The following PLCB4 variants were observed in gnomAD, a reference collection of about 807,000 sequenced individuals.
PLCB4 encodes the protein 1-phosphatidylinositol 4,5-bisphosphate phosphodiesterase beta-4.
A neutral mutation model predicts 178.8 loss-of-function variants in PLCB4; 77 were observed. The ratio of observed to expected loss-of-function variants is 0.43; its 90% CI spans 0.36 to 0.52. The LOEUF (loss-of-function observed/expected upper bound fraction) is 0.52. Ranked by LOEUF, PLCB4 falls within the 20% of genes least tolerant of loss-of-function variation. The pLI, the probability that PLCB4 is intolerant of heterozygous loss-of-function variation, is 0.00. For synonymous variants in PLCB4, 496 were observed against 490.8 expected, an observed-to-expected ratio of 1.01 and a Z score of -0.14; for missense variants, 1,024 against 1,453.4, an observed-to-expected ratio of 0.70 and a Z score of 4.80.
At chr20:9,182,874 T>C in intron 2 of PLCB4, among the ~76,000 whole-genome samples, 1 of 152,172 alleles carries the variant, frequency 6.6e-6, no homozygotes, top group East Asian at 1.9e-4. Flanking sequence ...AGAAAAGTAA[T>C]AAATACCTAT....
At chr20:9,339,429 A>T (rs2032915918) in intron 7 of PLCB4, among the ~76,000 whole-genome samples, 1 of 152,198 alleles carries the variant, frequency 6.6e-6, no homozygotes, top group African/African-American at 2.4e-5. Flanking sequence ...AGTTTGAGTG[A>T]CAAAGGTCTA....
intron 2 of PLCB4, among the ~76,000 whole-genome samples, chr20:9,216,962 AAAAG>A (rs1322156309): frequency 4.6e-5 from 7 of 152,236 alleles, no homozygotes; most frequent in African/African-American, 1.7e-4. Context: ...CAGCCATAAA[AAAAG>A]ACTCTCTTTG....
Position 9,314,136 on chromosome 20 carries a change from C to T in PLCB4, c.84+6238C>T, listed in dbSNP as rs2094870726. 2.6e-5 allele frequency among the ~76,000 whole-genome samples: 4 copies of T among 152,120 alleles called. No homozygotes were observed. In the South Asian group the frequency reaches 8.3e-4, roughly 31 times the overall value. ...TATTCAGCTAGGGCAGAGGGTAGGGCAGTGGAGTACAGGGGTGAAGGCACA... is the reference window on the plus strand; with the variant it reads ...TATTCAGCTAGGGCAGAGGGTAGGGTAGTGGAGTACAGGGGTGAAGGCACA... On this transcript the variant is annotated intron_variant, in intron 4 of 39. Coordinates refer to ENST00000378473, the MANE Select transcript of PLCB4 (RefSeq NM_001377142.1).
chr20:9,334,418 G>C (rs2032149951), intron 4 of PLCB4, among the ~76,000 whole-genome samples: 1 of 152,152 alleles, frequency 6.6e-6, no homozygotes, highest in Non-Finnish European at 1.5e-5. Flanking sequence ...GAGGATCAGG[G>C]ACATGGGGTA....
chr20:9,144,708 A>T (rs1486015966), intron 2 of PLCB4, among the ~76,000 whole-genome samples: 2 of 62,468 alleles, frequency 3.2e-5, no homozygotes, highest in South Asian at 2.4e-3. Context: ...AAGGAGGGGA[A>T]GAAGGGGAAG....
chr20:9,107,800 C>T (rs959621611), intron 2 of PLCB4, among the ~76,000 whole-genome samples: 3 of 152,090 alleles, frequency 2.0e-5, no homozygotes, highest in Non-Finnish European at 4.4e-5. Flanking sequence ...GTTCAGAGTA[C>T]ACTGTGAGGG....
intron 3 of PLCB4, among the ~76,000 whole-genome samples, chr20:9,292,439 G>A (rs2094588203): frequency 1.3e-5 from 2 of 152,070 alleles, no homozygotes; most frequent in South Asian, 4.2e-4. Flanking sequence ...AGTCTCTAGG[G>A]ATAAGAACAT....
intron 2 of PLCB4, among the ~76,000 whole-genome samples, chr20:9,110,030 G>T (rs1024744390): frequency 6.6e-6 from 1 of 152,078 alleles, no homozygotes; most frequent in Non-Finnish European, 1.5e-5. Context: ...CACAGAGAAG[G>T]TTAGTAGAGT....
chr20:9,189,807 G>A (rs1230274483), intron 2 of PLCB4, among the ~76,000 whole-genome samples: 1 of 152,058 alleles, frequency 6.6e-6, no homozygotes, highest in African/African-American at 2.4e-5. Flanking sequence ...TGGCTAGTTT[G>A]CGCTAGCCCC....
chr20:9,462,611 G>A (rs770205142), intron 35 of PLCB4, among the ~76,000 whole-genome samples: 4 of 152,156 alleles, frequency 2.6e-5, no homozygotes, highest in East Asian at 3.8e-4. Flanking sequence ...CGAGAGCTTC[G>A]TGACACATGC....
chr20:9,399,747 C>A (rs1433951213), intron 19 of PLCB4, among the ~76,000 whole-genome samples: 1 of 152,146 alleles, frequency 6.6e-6, no homozygotes, highest in African/African-American at 2.4e-5. Flanking sequence ...TGGGGTATGC[C>A]CCTTGCCTTC....
intron 36 of PLCB4, among the ~76,000 whole-genome samples, chr20:9,470,820 A>T (rs2276485): frequency 0.5 from 76,599 of 152,082 alleles, 21,717 homozygotes; most frequent in African/African-American, 0.77. Flanking sequence ...GGCTAAGTAT[A>T]GTCACCCTAC....
rs1160488237 is a variant in PLCB4 at position 9,420,408 on chromosome 20, G to C, written c.2154+499G>C. On this transcript the variant is annotated intron_variant, in intron 26 of 39. Transcript: ENST00000378473. ...GCAGGAGTGCAGTGGCACAATCTCGGCTCACTGCAACCTCCTCCTCCCGGT... is the reference window on the plus strand; with the variant it reads ...GCAGGAGTGCAGTGGCACAATCTCGCCTCACTGCAACCTCCTCCTCCCGGT... Among the ~76,000 whole-genome samples, 4 of 152,072 alleles carry C rather than the reference G, an allele frequency of 2.6e-5. No individual in the cohort carries two copies. The East Asian group carries it at 7.7e-4, about 29-fold the overall frequency.
intron 2 of PLCB4, among the ~76,000 whole-genome samples, chr20:9,210,947 T>C (rs956854917): frequency 2.0e-5 from 3 of 152,200 alleles, no homozygotes; most frequent in African/African-American, 7.2e-5. Flanking sequence ...TGAGGAAACA[T>C]AAACATATTA....
In PLCB4 at chr20:9,389,888, C is replaced by T. The variant is rs1380930151; in HGVS notation, c.1168C>T (p.Gln390Ter). Reference protein sequence around the residue: ...CTDILFKDVIQAIKETAFVTS... With the variant: ...CTDILFKDVI The stretch of plus-strand genomic sequence containing the variant: ...TTTTTTGTTTTTAAAGGATGTAATT[C>T]AAGCCATCAAGGAAACTGCATTTGT... Residue 390 changes from glutamine to a stop codon, truncating the protein, a stop_gained, in exon 16 of 40, where the codon CAA becomes TAA. Coordinates refer to ENST00000378473, the MANE Select transcript of PLCB4 (RefSeq NM_001377142.1). LOFTEE classifies it high-confidence loss of function. 6.4e-7 allele frequency: 1 copy of T among 1,556,702 alleles called. No individual in the cohort carries two copies. Among genetic ancestry groups the T allele is most frequent in the South Asian group, 1.1e-5 (1 of 89,458 alleles).
rs143356951 is a variant in PLCB4 at position 9,116,827 on chromosome 20, A to G, written c.-79+20485A>G. Among the ~76,000 whole-genome samples the G allele has an allele frequency of 2.0e-3, 303 of 152,308 alleles. 1 individual carries two copies. The highest frequency in any genetic ancestry group is 6.3e-3 in the African/African-American group (262 of 41,578). ...ACATATCGAGTCTACCCACCTATGT[A>G]TATGCTGGCTCTAACTATTGATTTA... On this transcript the variant is annotated intron_variant, in intron 2 of 39. Transcript: ENST00000378473.
rs186665792 is a variant in PLCB4, at chr20:9,313,290, T to A, written c.84+5392T>A. On this transcript the variant is annotated intron_variant, in intron 4 of 39. Transcript: ENST00000378473. ...GGTAGAGAAAACATTTAATTATTTTTGACCAAGCATAACAAAAAAGCTGTT... is the reference window on the plus strand; with the variant it reads ...GGTAGAGAAAACATTTAATTATTTTAGACCAAGCATAACAAAAAAGCTGTT... 3.2e-3 allele frequency among the ~76,000 whole-genome samples: 483 copies of A among 152,306 alleles called. 1 individual carries two copies. Among genetic ancestry groups the A allele is most frequent in the Non-Finnish European group, 5.4e-3 (366 of 68,038 alleles).
At chr20:9,415,288 T>C (rs1047641802) in intron 25 of PLCB4, among the ~76,000 whole-genome samples, 1 of 152,236 alleles carries the variant, frequency 6.6e-6, no homozygotes, top group African/African-American at 2.4e-5. Flanking sequence ...GGTTCTATTT[T>C]AATATTTTTG....
rs80178944 is a variant in PLCB4 at position 9,377,274 on chromosome 20, A to G, written c.745-2780A>G. On this transcript the variant is annotated intron_variant, in intron 12 of 39. Transcript: ENST00000378473. ...CTCATTTTACAAAGCACTGGATACC[A>G]TGGGGTGAATAACCTGAGTAACTTG... is the stretch of plus-strand genomic sequence containing the variant. 6.1e-3 allele frequency among the ~76,000 whole-genome samples: 926 copies of G among 152,180 alleles called. 12 individuals carry two copies. The highest frequency in any genetic ancestry group is 0.021 in the African/African-American group (882 of 41,534).
Sources: gnomAD v4.1 joint callset for allele counts (sites outside exome capture counted in the v4.1 genomes callset) on GRCh38, gnomAD v4.1.1 for gene constraint, MANE v1.5 for transcripts, NCBI Gene and HGNC (gene_info 2026-07-23, HGNC 2026-07-21) for gene names.